CTIF: variants seen among roughly 807,000 people sequenced by gnomAD.
CTIF encodes the protein CBP80/20-dependent translation initiation factor.
CTIF carries 21 observed loss-of-function variants against 66.0 expected under a neutral mutation model. The observed-to-expected ratio is 0.32, with a 90% confidence interval of 0.23 to 0.46. The LOEUF is 0.46. Ranked by LOEUF, CTIF falls within the 20% of genes least tolerant of loss-of-function variation. The pLI is 1.00. For synonymous variants in CTIF, 345 were observed against 326.4 expected (o/e 1.06, Z -0.62); for missense variants, 739 against 812.7 (o/e 0.91, Z 1.10).
At chr18:48,553,978 A>G (rs2088956695) in intron 1 of CTIF, among the ~76,000 whole-genome samples, 1 of 152,134 alleles carries the variant, frequency 6.6e-6, no homozygotes, top group South Asian at 2.1e-4. Flanking sequence ...CGGCCCACTC[A>G]TGACCTCAGA....
intron 9 of CTIF, among the ~76,000 whole-genome samples, chr18:48,797,132 T>C (rs1048766493): frequency 1.3e-5 from 2 of 152,250 alleles, no homozygotes; most frequent in African/African-American, 4.8e-5. Flanking sequence ...ATCTAAACTA[T>C]CCCTAATTTT....
rs141832240 is a variant in CTIF at position 48,634,680 on chromosome 18, A to G, written c.181-1934A>G. On this transcript the variant is annotated intron_variant, in intron 2 of 11. Transcript: ENST00000256413. ...CTCCCATTGGCCAAGCCCAGCCAGA[A>G]GCCAGCTGACGTGGGAGCCTGGGAA... 5.7e-3 allele frequency among the ~76,000 whole-genome samples: 873 copies of G among 152,338 alleles called. 10 individuals carry two copies. Among genetic ancestry groups the G allele is most frequent in the African/African-American group, 0.02 (828 of 41,574 alleles).
intron 9 of CTIF, among the ~76,000 whole-genome samples, chr18:48,771,864 G>A (rs1910163691): frequency 6.6e-6 from 1 of 152,364 alleles, no homozygotes; most frequent in African/African-American, 2.4e-5. Context: ...CCAGATCGCA[G>A]CATCTCTGCC....
intron 10 of CTIF, among the ~76,000 whole-genome samples, chr18:48,827,205 A>G (rs1284935419): frequency 6.6e-6 from 1 of 152,256 alleles, no homozygotes; most frequent in Non-Finnish European, 1.5e-5. Flanking sequence ...GAAGGAACAA[A>G]GGAGCATTCC....
At chr18:48,582,765 C>A (rs2089688782) in intron 1 of CTIF, among the ~76,000 whole-genome samples, 1 of 152,126 alleles carries the variant, frequency 6.6e-6, no homozygotes, top group African/African-American at 2.4e-5. Context: ...TTCGTTTAGT[C>A]CTTAGAACAA....
chr18:48,827,357 GGTAACTCA>G (rs2146414106), intron 10 of CTIF, among the ~76,000 whole-genome samples: 1 of 152,282 alleles, frequency 6.6e-6, no homozygotes, highest in South Asian at 2.1e-4. Flanking sequence ...GGAGCCCACG[GGTAACTCA>G]GTGCCCGGAG....
At chr18:48,635,779 A>G (rs2090810101) in intron 2 of CTIF, among the ~76,000 whole-genome samples, 1 of 152,200 alleles carries the variant, frequency 6.6e-6, no homozygotes, top group African/African-American at 2.4e-5. Flanking sequence ...ACTGCATTGT[A>G]TCTATACAGT....
chr18:48,823,713 G>A (rs1180107788), intron 10 of CTIF, among the ~76,000 whole-genome samples: 2 of 151,996 alleles, frequency 1.3e-5, no homozygotes, highest in Non-Finnish European at 2.9e-5. Flanking sequence ...AATGCCCCTG[G>A]GATTTTGATA....
chr18:48,800,636 G>A (rs2068029733), intron 9 of CTIF, among the ~76,000 whole-genome samples: 1 of 152,216 alleles, frequency 6.6e-6, no homozygotes, highest in Admixed American at 6.5e-5. Flanking sequence ...GACCAAAGAA[G>A]CAGGAGGAGC....
chr18:48,546,180 TTAAA>T (rs1305618865), intron 1 of CTIF, among the ~76,000 whole-genome samples: 2 of 152,266 alleles, frequency 1.3e-5, no homozygotes, highest in Admixed American at 1.3e-4. Context: ...GGAATGCAAC[TTAAA>T]TAGAGTGTTG....
intron 1 of CTIF, among the ~76,000 whole-genome samples, chr18:48,603,499 GTGGATGGATGGA>G (rs1158667685): frequency 1.8e-5 from 2 of 112,936 alleles, no homozygotes; most frequent in Non-Finnish European, 3.6e-5. Context: ...GGGTGGGTGG[GTGGATGGATGGA>G]TGGATGGATG....
At position 48,797,438 on chromosome 18, in the gene CTIF, G is replaced by A. The variant is rs1452441937; in HGVS notation, c.1372-19783G>A. 6.2e-5 allele frequency among the ~76,000 whole-genome samples: 9 copies of A among 144,878 alleles called. 1 individual carries two copies. The South Asian group carries it at 6.7e-4, about 11-fold the overall frequency. ...GCGGAGGTTGCAGTGAGCCAAGATC[G>A]CACCACTGCATTCCAGCCTGGGTGA... On this transcript the variant is annotated intron_variant, in intron 9 of 11. Coordinates refer to ENST00000256413, the MANE Select transcript of CTIF (RefSeq NM_014772.3).
chr18:48,675,000 G>T (rs1033856114), intron 6 of CTIF, among the ~76,000 whole-genome samples: 3 of 139,458 alleles, frequency 2.2e-5, no homozygotes, highest in Non-Finnish European at 1.5e-5. Context: ...CCTCAGGCCA[G>T]TTGAGACTGA....
At chr18:48,659,158 C>A (rs1310462676) in intron 3 of CTIF, among the ~76,000 whole-genome samples, 1 of 152,108 alleles carries the variant, frequency 6.6e-6, no homozygotes, top group African/African-American at 2.4e-5. Context: ...GAAACAAACC[C>A]CAAGGAGGTG....
intron 7 of CTIF, among the ~76,000 whole-genome samples, chr18:48,737,461 C>CCTT (rs1244107500): frequency 1.3e-5 from 2 of 152,204 alleles, no homozygotes. Context: ...GCTCTTTGCC[C>CCTT]CTTACCCAGA....
intron 6 of CTIF, among the ~76,000 whole-genome samples, chr18:48,701,333 A>G (rs1247414228): frequency 6.6e-6 from 1 of 152,202 alleles, no homozygotes; most frequent in African/African-American, 2.4e-5. Context: ...TCCATTATCC[A>G]GGGAATGGAG....
At chr18:48,831,233 G>A (rs1443324373) in intron 10 of CTIF, among the ~76,000 whole-genome samples, 1 of 152,262 alleles carries the variant, frequency 6.6e-6, no homozygotes, top group Non-Finnish European at 1.5e-5. Flanking sequence ...AGTGCAAACA[G>A]TGCTCTCAGC....
At chr18:48,708,076 C>T (rs80322362) in intron 6 of CTIF, among the ~76,000 whole-genome samples, 4,038 of 152,286 alleles carry the variant, frequency 0.027, 53 homozygotes, top group Middle Eastern at 0.068. Context: ...CCATATAATA[C>T]TCCACTGTAT....
intron 10 of CTIF, among the ~76,000 whole-genome samples, chr18:48,822,505 A>AACACAC (rs56745285): frequency 3.1e-4 from 33 of 107,676 alleles, no homozygotes; most frequent in African/African-American, 1.0e-3. Flanking sequence ...CCCCACCCCC[A>AACACAC]ACACACACAC....
Sources: allele counts gnomAD v4.1 joint callset (sites outside exome capture counted in the v4.1 genomes callset), GRCh38; gene constraint gnomAD v4.1.1; transcripts MANE v1.5; gene names NCBI Gene and HGNC (gene_info 2026-07-23, HGNC 2026-07-21).